IGF2: variants seen among roughly 807,000 people sequenced by gnomAD.
IGF2 encodes insulin-like growth factor 2.
A neutral mutation model predicts 12.0 loss-of-function variants in IGF2; 2 were observed. The ratio of observed to expected loss-of-function variants is 0.17; its 90% CI spans 0.07 to 0.52. IGF2 has a LOEUF of 0.52. Ranked by LOEUF, IGF2 falls within the 20% of genes least tolerant of loss-of-function variation. The pLI, the probability that IGF2 is intolerant of heterozygous loss-of-function variation, is 0.95. For missense variants in IGF2, 211 were observed against 268.0 expected (o/e 0.79, Z 1.48); for synonymous variants, 105 against 110.1 (o/e 0.95, Z 0.29).
rs1002416324 is a variant in IGF2 at position 2,132,581 on chromosome 11, T to C, written c.*406A>G. 1.0e-5 allele frequency: 2 copies of C among 197,350 alleles called. No homozygotes were observed. Among genetic ancestry groups the C allele is most frequent in the Non-Finnish European group, 2.1e-5 (2 of 97,168 alleles). 12.2% of individuals were successfully genotyped at this position (197,350 alleles called of 1,614,324 possible). ...TTAGCCAATTGATTTTTTTTGGTGG[T>C]TGTTTTTTTTAAAGCCAATTTCTGA... On this transcript the variant is annotated 3_prime_UTR_variant, in exon 4 of 4. Coordinates refer to ENST00000416167, the MANE Select transcript of IGF2 (RefSeq NM_000612.6).
upstream of IGF2, among the ~76,000 whole-genome samples, chr11:2,144,009 TAGCGCGG>T: frequency 6.6e-6 from 1 of 152,074 alleles, no homozygotes; most frequent in Non-Finnish European, 1.5e-5. Context: ...CGCGGGCAGG[TAGCGCGG>T]AGCGCCCTGG....
At chr11:2,144,438 C>A (rs796907145), upstream of IGF2, among the ~76,000 whole-genome samples, 8 of 152,350 alleles carry the variant, frequency 5.3e-5, 1 homozygote, top group African/African-American at 1.9e-4. Context: ...CCGTTCGGGC[C>A]TTCGCCAGCA....
intron 1 of IGF2, chr11:2,137,146 G>T: frequency 1.2e-6 from 1 of 827,200 alleles, no homozygotes; most frequent in Non-Finnish European, 1.5e-6. Context: ...TCAGGCTGGA[G>T]TGGGATGGCA....
chr11:2,138,811 G>A lies in IGF2; in HGVS notation c.-589C>T. The A allele has an allele frequency of 4.2e-6, 4 of 944,040 alleles. No individual in the cohort carries two copies. Among genetic ancestry groups the A allele is most frequent in the Non-Finnish European group, 5.0e-6 (4 of 793,558 alleles). 58.5% of individuals were successfully genotyped at this position (944,040 alleles called of 1,614,324 possible). ...GGGCCAGACGCCAAGAGGGGCGCGG[G>A]GAGCACAGAGAAGCGGAGGGAAGGG... On this transcript the variant is annotated 5_prime_UTR_variant, in exon 1 of 4. Transcript: ENST00000416167.
rs955317378 is a variant in IGF2 at position 2,138,394 on chromosome 11, G to GA, written c.-173_-172insT. On this transcript the variant is annotated 5_prime_UTR_variant, in exon 1 of 4. Transcript: ENST00000416167. ...CGGGGGGATGGCTTTTTTTTGGGGG[G>GA]GGGGGGAGAATTCGTCTGATTGTCC... 59 of 528,840 alleles carry GA rather than the reference G, an allele frequency of 1.1e-4. 2 individuals carry two copies. The highest frequency in any genetic ancestry group is 3.1e-4 in the East Asian group (2 of 6,400). The allele number at this position is 528,840 out of a possible 1,614,324, so 32.8% of individuals were successfully genotyped here.
At position 2,138,744 on chromosome 11, in the gene IGF2, GA is replaced by G; in HGVS notation, c.-523del. 2 of 805,272 alleles carry G rather than the reference GA, an allele frequency of 2.5e-6. No homozygotes were observed. Among genetic ancestry groups the G allele is most frequent in the Non-Finnish European group, 3.0e-6 (2 of 668,426 alleles). 49.9% of individuals were successfully genotyped at this position (805,272 alleles called of 1,614,324 possible). A position where few individuals can be genotyped will look rare whatever the true frequency, so the allele number is the denominator to read the frequency against. On this transcript the variant is annotated 5_prime_UTR_variant, in exon 1 of 4. Coordinates refer to ENST00000416167, the MANE Select transcript of IGF2 (RefSeq NM_000612.6). ...GGAGGCTAGGAGCTGGGGGGGACGG[GA>G]GGGAGCGAAGGGAAGGTTGCGGGAG... is the stretch of plus-strand genomic sequence containing the variant.
Position 2,130,537 on chromosome 11 carries a change from G to C in IGF2, c.*2450C>G, listed in dbSNP as rs1440716251. The C allele has an allele frequency of 2.3e-5, 5 of 214,372 alleles. No individual in the cohort carries two copies. The highest frequency in any genetic ancestry group is 7.2e-5 in the African/African-American group (3 of 41,670). 13.3% of individuals were successfully genotyped at this position (214,372 alleles called of 1,614,324 possible). On this transcript the variant is annotated 3_prime_UTR_variant, in exon 4 of 4. Coordinates refer to ENST00000416167, the MANE Select transcript of IGF2 (RefSeq NM_000612.6). ...CTGCCCCCCTGTTACATGGGGGGGG[G>C]GTTTAATTTGGTTTCTGAGCGCATA...
chr11:2,140,277 T>A (rs751750987), upstream of IGF2: 2 of 1,612,666 alleles, frequency 1.2e-6, no homozygotes, highest in Non-Finnish European at 1.7e-6. Context: ...CACGATAATT[T>A]GGGGGTCTGG....
chr11:2,133,110 G>A lies in IGF2; in HGVS notation c.420C>T (p.His140=), dbSNP rs765719749. The change falls in exon 4 of 4, where the codon CAC becomes CAT. Residue 140 remains histidine (H), a synonymous_variant. Transcript: ENST00000416167. The surrounding 1 kb of genome is among the most constrained non-coding windows in gnomAD (Gnocchi z 8.9). ...LPALLRARRG[H]VLAKELEAFR... is the part of the protein sequence containing the mutation. ...ACGCCTCGAGCTCCTTGGCGAGCAC[G>A]TGACCCCGGCGGGCACGCAGGAGGG... is the stretch of plus-strand genomic sequence containing the variant. The A allele has an allele frequency of 5.6e-6, 9 of 1,607,340 alleles. No individual in the cohort carries two copies. The highest frequency in any genetic ancestry group is 4.0e-5 in the African/African-American group (3 of 74,874).
intron 2 of IGF2, chr11:2,134,323 TC>T: frequency 2.8e-6 from 1 of 355,062 alleles, no homozygotes; most frequent in Non-Finnish European, 5.6e-6. Flanking sequence ...ATCACGGGGG[TC>T]CCCCAAGTGG....
At chr11:2,140,191 A>G (rs755323436), upstream of IGF2, 2 of 1,613,320 alleles carry the variant, frequency 1.2e-6, no homozygotes, top group South Asian at 2.2e-5. Context: ...CGGCCCACCC[A>G]AAATATCTGG....
rs981897718 is a variant in IGF2 at position 2,131,069 on chromosome 11, G to A, written c.*1918C>T. 3.0e-5 allele frequency: 7 copies of A among 232,434 alleles called. No individual in the cohort carries two copies. Among genetic ancestry groups the A allele is most frequent in the Admixed American group, 5.6e-5 (1 of 17,770 alleles). The allele number at this position is 232,434 out of a possible 1,614,324, so 14.4% of individuals were successfully genotyped here. A position where few individuals can be genotyped will look rare whatever the true frequency, so the allele number is the denominator to read the frequency against. On this transcript the variant is annotated 3_prime_UTR_variant, in exon 4 of 4. Coordinates refer to ENST00000416167, the MANE Select transcript of IGF2 (RefSeq NM_000612.6). ...GTAAGGTGTATCGGGAATGGGTGGG[G>A]TATGGGGAGCATCGTGGCTCACGCT...
chr11:2,138,143 G>T, intron 1 of IGF2, 86 bp downstream of exon 1: 2 of 855,734 alleles, frequency 2.3e-6, no homozygotes, highest in Admixed American at 6.2e-5. Flanking sequence ...CCCGGGCCGG[G>T]AGCGGGCGGA....
In IGF2 at chr11:2,138,387, TTGG is replaced by T; in HGVS notation, c.-168_-166del. 1 of 306,600 alleles carries T rather than the reference TTGG, an allele frequency of 3.3e-6. No individual in the cohort carries two copies. Among genetic ancestry groups the T allele is most frequent in the African/African-American group, 3.5e-5 (1 of 28,628 alleles). 19.0% of individuals were successfully genotyped at this position (306,600 alleles called of 1,614,324 possible). On this transcript the variant is annotated 5_prime_UTR_variant, in exon 1 of 4. Coordinates refer to ENST00000416167, the MANE Select transcript of IGF2 (RefSeq NM_000612.6). ...GGCAGAGCGGGGGGATGGCTTTTTT[TTGG>T]GGGGGGGGGGAGAATTCGTCTGATT... is the stretch of plus-strand genomic sequence containing the variant.
At chr11:2,147,789 G>A in the IGF2 span, 12 of 1,248,092 alleles carry the variant, frequency 9.6e-6, no homozygotes, top group African/African-American at 3.1e-5. This position sits in a 1 kb window ranked among gnomAD's most constrained non-coding sequence, Gnocchi z 7.2. Flanking sequence ...ACACAAGCTC[G>A]GTGGTGACTC....
At chr11:2,147,885 G>A in the IGF2 span, 34 of 1,081,788 alleles carry the variant, frequency 3.1e-5, no homozygotes, top group East Asian at 3.2e-4. This position sits in a 1 kb window ranked among gnomAD's most constrained non-coding sequence, Gnocchi z 7.2. Flanking sequence ...CCCCAAGCCT[G>A]AGCCCTGTCC....
upstream of IGF2, among the ~76,000 whole-genome samples, chr11:2,144,159 C>A (rs1183916540): frequency 2.0e-5 from 3 of 152,166 alleles, no homozygotes; most frequent in African/African-American, 7.2e-5. Flanking sequence ...AGCGGGCGTC[C>A]GGGTGTAAGG....
At position 2,133,538 on chromosome 11, in the gene IGF2, C is replaced by T. The variant is rs554586231; in HGVS notation, c.285G>A (p.Ser95=). 48 of 1,612,452 alleles carry T rather than the reference C, an allele frequency of 3.0e-5. No individual in the cohort carries two copies. Among genetic ancestry groups the T allele is most frequent in the Middle Eastern group, 1.7e-4 (1 of 6,054 alleles). The part of the protein sequence containing the change: ...ATPAKSERDV[S]TPPTVLPDNF... ...TCACCGGAAGCACGGTCGGAGGGGT[C>T]GACACGTCCCTCTCGGACTTGGCGG... The change falls in exon 3 of 4, where the codon TCG becomes TCA. Residue 95 remains serine, a synonymous_variant. Coordinates refer to ENST00000416167, the MANE Select transcript of IGF2 (RefSeq NM_000612.6). The surrounding 1 kb of genome is among the most constrained non-coding windows in gnomAD (Gnocchi z 8.9).
chr11:2,129,284 G>A lies in IGF2; in HGVS notation c.*3703C>T, dbSNP rs750441206. The A allele has an allele frequency of 4.8e-5, 10 of 210,134 alleles. No individual in the cohort carries two copies. Among genetic ancestry groups the A allele is most frequent in the East Asian group, 1.4e-4 (2 of 14,126 alleles). The allele number at this position is 210,134 out of a possible 1,614,324, so 13.0% of individuals were successfully genotyped here. ...GCACAGGTGACATTCAGTGTTTGGC[G>A]TGGGGGTCTTCAGGTGATGGCAGAG... On this transcript the variant is annotated 3_prime_UTR_variant, in exon 4 of 4. Coordinates refer to ENST00000416167, the MANE Select transcript of IGF2 (RefSeq NM_000612.6). This position sits in a 1 kb window ranked among gnomAD's most constrained non-coding sequence, Gnocchi z 8.1.
Sources: allele counts gnomAD v4.1 joint callset (sites outside exome capture counted in the v4.1 genomes callset), GRCh38; gene constraint gnomAD v4.1.1; non-coding constraint Gnocchi (gnomAD v3.1); transcripts MANE v1.5; gene names NCBI Gene and HGNC (gene_info 2026-07-23, HGNC 2026-07-21).